NEO1: variants seen among roughly 807,000 people sequenced by gnomAD.
The protein encoded by NEO1 is neogenin.
In NEO1, 63 loss-of-function variants were observed where a neutral mutation model predicts 159.7. The ratio of observed to expected loss-of-function variants is 0.39; its 90% CI spans 0.32 to 0.49. The LOEUF (loss-of-function observed/expected upper bound fraction) is 0.49, where lower values mean the gene tolerates loss of function less well. Among genes scored for constraint, NEO1 ranks in the 20% least tolerant of loss-of-function variants. NEO1 has a pLI of 0.85. For synonymous variants in NEO1, 633 were observed against 662.0 expected (o/e 0.96, Z 0.67); for missense variants, 1,615 against 1,831.0 (o/e 0.88, Z 2.15).
At chr15:73,241,078 A>G (rs566342404) in intron 8 of NEO1, among the ~76,000 whole-genome samples, 1 of 152,338 alleles carries the variant, frequency 6.6e-6, no homozygotes, top group Non-Finnish European at 1.5e-5. Context: ...ACCAGGTGGC[A>G]CCATATGCCT....
Position 73,145,897 on chromosome 15 carries a change from C to T in NEO1, c.1015+9870C>T, listed in dbSNP as rs550462624. On this transcript the variant is annotated intron_variant, in intron 5 of 28. Coordinates refer to ENST00000261908, the MANE Select transcript of NEO1 (RefSeq NM_002499.4). Reference sequence around the variant, plus strand: ...CTCCAAGCAGAGAGAGAACTGGATTCTGAGTCCATTAATGAGTGCATGATT... The same window carrying T: ...CTCCAAGCAGAGAGAGAACTGGATTTTGAGTCCATTAATGAGTGCATGATT... Among the ~76,000 whole-genome samples the T allele has an allele frequency of 3.9e-5, 6 of 152,310 alleles. No homozygotes were observed. The South Asian group carries it at 1.0e-3, about 26-fold the overall frequency.
chr15:73,171,005 A>G (rs1039593224), intron 5 of NEO1, among the ~76,000 whole-genome samples: 9 of 146,074 alleles, frequency 6.2e-5, no homozygotes, highest in Non-Finnish European at 8.9e-5. Flanking sequence ...TCTCGGGGGA[A>G]AAAAAAAAAA....
intron 23 of NEO1, among the ~76,000 whole-genome samples, chr15:73,286,026 T>C (rs2041930835): frequency 6.6e-6 from 1 of 152,194 alleles, no homozygotes; most frequent in South Asian, 2.1e-4. Context: ...TTAAGTGTGC[T>C]CTAACTTCTT....
intron 7 of NEO1, among the ~76,000 whole-genome samples, chr15:73,198,491 A>G (rs1312724051): frequency 1.3e-5 from 2 of 150,962 alleles, no homozygotes; most frequent in African/African-American, 4.9e-5. Flanking sequence ...TCATTTCTTG[A>G]TTTTAGATGA....
chr15:73,108,820 G>GC (rs1356041746), intron 1 of NEO1, among the ~76,000 whole-genome samples: 2 of 152,154 alleles, frequency 1.3e-5, no homozygotes, highest in Non-Finnish European at 2.9e-5. Flanking sequence ...TGGGTGCAGG[G>GC]CAAGTGTTCC....
intron 22 of NEO1, among the ~76,000 whole-genome samples, chr15:73,279,351 G>GTTTTTTTTTTTTTTTTTTTTTTTTTTT (rs869029902): frequency 1.8e-4 from 21 of 119,352 alleles, no homozygotes; most frequent in East Asian, 4.6e-4. Context: ...TTTGGTTTTG[G>GTTTTTTTTTTTTTTTTTTTTTTTTTTT]TTTTTTTTTT....
chr15:73,159,902 T>C (rs2034048506), intron 5 of NEO1, among the ~76,000 whole-genome samples: 1 of 152,206 alleles, frequency 6.6e-6, no homozygotes, highest in Admixed American at 6.5e-5. Context: ...TATATAAGAC[T>C]GCCCGTTTCT....
chr15:73,273,616 G>T (rs937965985), intron 19 of NEO1, among the ~76,000 whole-genome samples, 195 bp from the exon 20 acceptor site: 1 of 152,064 alleles, frequency 6.6e-6, no homozygotes, highest in Admixed American at 6.5e-5. Flanking sequence ...AGATCACATC[G>T]GTAAGAGCTA....
At chr15:73,166,677 G>A (rs1426938347) in intron 5 of NEO1, among the ~76,000 whole-genome samples, 1 of 152,176 alleles carries the variant, frequency 6.6e-6, no homozygotes. Context: ...AGTTCATTAA[G>A]GAAGAGAAGT....
chr15:73,216,597 G>C (rs1321050479), intron 7 of NEO1, among the ~76,000 whole-genome samples: 1 of 152,128 alleles, frequency 6.6e-6, no homozygotes, highest in African/African-American at 2.4e-5. Context: ...AGCACCTGTT[G>C]TTTCCTGACT....
At chr15:73,200,784 G>C (rs2036837153) in intron 7 of NEO1, among the ~76,000 whole-genome samples, 1 of 149,372 alleles carries the variant, frequency 6.7e-6, no homozygotes, top group Non-Finnish European at 1.5e-5. Flanking sequence ...CCTGGGCTCA[G>C]GTGATCCTCC....
In NEO1 at chr15:73,282,938, C is replaced by G. The variant is rs375732698; in HGVS notation, c.3263-26C>G. On this transcript the variant is annotated intron_variant, in intron 22 of 28. Transcript: ENST00000261908. Reference sequence around the variant, plus strand: ...CATGTTTTAAATTCTCTAACCCTAACACATGTACCATTTCTCTCTCTGCAG... The same window carrying G: ...CATGTTTTAAATTCTCTAACCCTAAGACATGTACCATTTCTCTCTCTGCAG... 34 of 1,610,674 alleles carry G rather than the reference C, an allele frequency of 2.1e-5. No homozygotes were observed. In the South Asian group the frequency reaches 3.5e-4, roughly 17 times the overall value.
At chr15:73,298,325 A>G in intron 26 of NEO1, 23 bp from the exon 27 acceptor site, 1 of 1,610,300 alleles carries the variant, frequency 6.2e-7, no homozygotes, top group Non-Finnish European at 8.5e-7. Context: ...AGAAATGCTA[A>G]CATTTAGACT....
rs1596474526 is a variant in NEO1 at position 73,248,994 on chromosome 15, C to G, written c.1607-66C>G. The stretch of plus-strand genomic sequence containing the variant: ...AACGTGGCCAATATGACAGTATTGC[C>G]AAGAATGGTTATTGAGGAGTGTAGC... On this transcript the variant is annotated intron_variant, in intron 9 of 28. Transcript: ENST00000261908. 48 of 1,518,972 alleles carry G rather than the reference C, an allele frequency of 3.2e-5. No individual in the cohort carries two copies. In the East Asian group the frequency reaches 1.0e-3, roughly 33 times the overall value. The allele number at this position is 1,518,972 out of a possible 1,614,324, so 94.1% of individuals were successfully genotyped here. A position where few individuals can be genotyped will look rare whatever the true frequency, so the allele number is the denominator to read the frequency against.
At chr15:73,150,231 A>G (rs888344410) in intron 5 of NEO1, among the ~76,000 whole-genome samples, 24 of 152,254 alleles carry the variant, frequency 1.6e-4, no homozygotes, top group Non-Finnish European at 1.5e-5. Context: ...GCTGTCTGCC[A>G]TCCTTTTTAA....
intron 1 of NEO1, among the ~76,000 whole-genome samples, chr15:73,087,161 G>A (rs192991481): frequency 1.3e-5 from 2 of 152,172 alleles, no homozygotes; most frequent in East Asian, 1.9e-4. Context: ...TCTTTTTTGA[G>A]TTAAACTCCC....
At chr15:73,086,936 G>T (rs1178932412) in intron 1 of NEO1, among the ~76,000 whole-genome samples, 1 of 152,042 alleles carries the variant, frequency 6.6e-6, no homozygotes, top group Non-Finnish European at 1.5e-5. Flanking sequence ...GATTACATGC[G>T]TGAGCCACCG....
intron 18 of NEO1, 106 bp from the exon 19 acceptor site, chr15:73,272,349 T>C (rs2041211284): frequency 2.8e-6 from 2 of 708,426 alleles, no homozygotes; most frequent in Middle Eastern, 2.9e-4. Context: ...AGCTTTATCT[T>C]TTTTGCCTTG....
intron 5 of NEO1, among the ~76,000 whole-genome samples, chr15:73,153,147 A>T (rs1202279573): frequency 6.6e-6 from 1 of 152,200 alleles, no homozygotes; most frequent in Non-Finnish European, 1.5e-5. Context: ...ACAGGCAGAA[A>T]ACAATTTCAG....
Sources: allele counts gnomAD v4.1 joint callset (sites outside exome capture counted in the v4.1 genomes callset), GRCh38; gene constraint gnomAD v4.1.1; transcripts MANE v1.5; gene names NCBI Gene and HGNC (gene_info 2026-07-23, HGNC 2026-07-21).